Variants in RFX1 observed in about 807,000 individuals in gnomAD.
RFX1 encodes MHC class II regulatory factor RFX1.
In RFX1, 42 loss-of-function variants were observed where a neutral mutation model predicts 119.6. The observed-to-expected ratio is 0.35, with a 90% CI of 0.27 to 0.45. The LOEUF is 0.45. RFX1 is among the 20% of genes least tolerant of loss of function. The probability of loss-of-function intolerance (pLI) is 1.00; values close to 1 mark genes in which losing one functional copy is unlikely to be tolerated. For synonymous variants in RFX1, 628 were observed against 618.5 expected, an observed-to-expected ratio of 1.02 and a Z score of -0.23; for missense variants, 1,118 against 1,368.1, an observed-to-expected ratio of 0.82 and a Z score of 2.88.
At chr19:13,999,337 G>GTTTAAATCTATTAC (rs1975135624) in intron 1 of RFX1, among the ~76,000 whole-genome samples, 1 of 152,144 alleles carries the variant, frequency 6.6e-6, no homozygotes, top group African/African-American at 2.4e-5. Flanking sequence ...TATGGAGACT[G>GTTTAAATCTATTAC]TTTAAATCTA....
rs72997465 is a variant in RFX1 at position 13,987,439 on chromosome 19, T to C, written c.320-3844A>G. On this transcript the variant is annotated intron_variant, in intron 2 of 20. Coordinates refer to ENST00000254325, the MANE Select transcript of RFX1 (RefSeq NM_002918.5). ...CCAAGTCTGGGTCCAGGCCCCTCCC[T>C]TCCTCTTCCCTGCCACCTCCCTGGG... 1.8e-3 allele frequency among the ~76,000 whole-genome samples: 278 copies of C among 152,244 alleles called. 1 individual carries two copies. Among genetic ancestry groups the C allele is most frequent in the Non-Finnish European group, 3.2e-3 (217 of 67,996 alleles).
chr19:13,965,419 T>C lies in RFX1; in HGVS notation c.2211+30A>G, dbSNP rs750427978. 1.3e-5 allele frequency: 20 copies of C among 1,591,618 alleles called. 1 individual carries two copies. Among genetic ancestry groups the C allele is most frequent in the South Asian group, 7.7e-5 (7 of 90,432 alleles). On this transcript the variant is annotated intron_variant, in intron 16 of 20. Coordinates refer to ENST00000254325, the MANE Select transcript of RFX1 (RefSeq NM_002918.5). The surrounding 1 kb of genome is among the most constrained non-coding windows in gnomAD (Gnocchi z 4.7). ...GAGACGGAGGCCTAAGCCCCAGAGA[T>C]AGGAGAAAGGGACCCCCTCACACTC...
At chr19:13,998,239 C>T (rs1379017994) in intron 1 of RFX1, 6 of 152,232 alleles carry the variant, frequency 3.9e-5, no homozygotes, top group Admixed American at 2.0e-4. Flanking sequence ...AATTCCAGCA[C>T]TTTGTGAGGC....
rs149634688 is a variant in RFX1, at chr19:13,983,228, C to T, written c.472G>A (p.Val158Met). The change falls in exon 4 of 21, where the codon GTG (valine) becomes ATG (methionine). Residue 158 changes from valine to methionine, a missense_variant. By Grantham distance (21) the Val-to-Met change is conservative. This residue lies in a region of RFX1 where 542 missense variants were observed against 602.7 expected (regional missense o/e 0.90). Coordinates refer to ENST00000254325, the MANE Select transcript of RFX1 (RefSeq NM_002918.5). Reference protein sequence around the residue: ...QTSVQAKPGHVSPLQLTNIQV... With the variant: ...QTSVQAKPGHMSPLQLTNIQV... ...ATGTTGGTCAGCTGGAGGGGCGACACGTGGCCTGGCTTGGCCTGCACGCTC... is the reference window on the plus strand; with the variant it reads ...ATGTTGGTCAGCTGGAGGGGCGACATGTGGCCTGGCTTGGCCTGCACGCTC... 107 of 1,579,382 alleles carry T rather than the reference C, an allele frequency of 6.8e-5. No homozygotes were observed. The highest frequency in any genetic ancestry group is 8.2e-5 in the Non-Finnish European group (96 of 1,166,842).
intron 1 of RFX1, 41 bp from the exon 2 acceptor site, chr19:13,993,936 C>G (rs1432800973): frequency 1.8e-6 from 2 of 1,093,538 alleles, no homozygotes; most frequent in Non-Finnish European, 2.6e-6. Flanking sequence ...AAAAACAAAA[C>G]AAAACAAAAG....
rs577368761 is a variant in RFX1 at position 13,965,636 on chromosome 19, C to T, written c.2103G>A (p.Arg701=). 3 of 1,613,422 alleles carry T rather than the reference C, an allele frequency of 1.9e-6. No individual in the cohort carries two copies. The South Asian group carries it at 3.3e-5, about 18-fold the overall frequency. ...LVEILIPDVL[R]PIPSALTQAI... is the part of the protein sequence containing the mutation. ...AGGCCGAGCACTCACTGGGGATGGG[C>T]CGCAGCACGTCGGGAATGAGGATTT... The change falls in exon 15 of 21, where the codon CGG becomes CGA. Residue 701 remains arginine (R), a synonymous_variant. Transcript: ENST00000254325. The surrounding 1 kb of genome is among the most constrained non-coding windows in gnomAD (Gnocchi z 4.7).
rs1028148842 is a variant in RFX1, at chr19:13,992,628, A to G, written c.319+897T>C. Among the ~76,000 whole-genome samples, 7 of 152,168 alleles carry G rather than the reference A, an allele frequency of 4.6e-5. No individual in the cohort carries two copies. The East Asian group carries it at 1.2e-3, about 25-fold the overall frequency. ...CTGACCTCCCTGAAGTGCCCACTCA[A>G]GGCCATCCTGGCTATGAGACCCTCG... On this transcript the variant is annotated intron_variant, in intron 2 of 20. Transcript: ENST00000254325.
chr19:14,004,376 C>T (rs1366921278), intron 1 of RFX1, among the ~76,000 whole-genome samples: 1 of 152,130 alleles, frequency 6.6e-6, no homozygotes, highest in South Asian at 2.1e-4. Flanking sequence ...GGCATGATGG[C>T]GAGCGCCTGT....
In RFX1 at chr19:13,963,263, G is replaced by T. The variant is rs1210973299; in HGVS notation, c.2583C>A (p.Ile861=). 2.5e-6 allele frequency: 4 copies of T among 1,609,934 alleles called. No homozygotes were observed. The African/African-American group carries it at 5.3e-5, about 22-fold the overall frequency. Residue 861 remains isoleucine (I), a synonymous_variant, in exon 19 of 21, where the codon ATC becomes ATA. Transcript: ENST00000254325. The stretch of plus-strand genomic sequence containing the variant: ...CGGCGCTGCGCAGGGTCAGGTCCCG[G>T]ATCACCATGGAGCTGGGGATGGAGA... ...LKWSFYSSMV[I]RDLTLRSAAS...
intron 1 of RFX1, among the ~76,000 whole-genome samples, chr19:13,994,604 A>G (rs1009171722): frequency 1.3e-5 from 2 of 151,316 alleles, no homozygotes; most frequent in Non-Finnish European, 2.9e-5. Context: ...AGTCCCAGCT[A>G]CTCAGGAGGC....
chr19:13,994,939 A>AG (rs1974958919), intron 1 of RFX1, among the ~76,000 whole-genome samples: 2 of 64,914 alleles, frequency 3.1e-5, no homozygotes, highest in South Asian at 5.0e-4. Flanking sequence ...TATATATATA[A>AG]TCATTTTTTT....
intron 12 of RFX1, among the ~76,000 whole-genome samples, chr19:13,967,776 C>A (rs1257895668): frequency 6.6e-6 from 1 of 152,156 alleles, no homozygotes; most frequent in Non-Finnish European, 1.5e-5. Context: ...CTGCACCAGG[C>A]CTTACTTTTA....
At position 13,969,286 on chromosome 19, in the gene RFX1, C is replaced by G. The variant is rs933905379; in HGVS notation, c.1497-392G>C. The stretch of plus-strand genomic sequence containing the variant: ...CTCACAGACCCTGATGAAGCACTGA[C>G]TAGGTACAACCCCGCGTCATCGAGG... On this transcript the variant is annotated intron_variant, in intron 10 of 20. Transcript: ENST00000254325. The surrounding 1 kb of genome is among the most constrained non-coding windows in gnomAD (Gnocchi z 4.5). 6.6e-6 allele frequency among the ~76,000 whole-genome samples: 1 copy of G among 152,134 alleles called. No individual in the cohort carries two copies. Among genetic ancestry groups the G allele is most frequent in the African/African-American group, 2.4e-5 (1 of 41,410 alleles).
At chr19:13,995,301 C>T (rs758261024) in intron 1 of RFX1, among the ~76,000 whole-genome samples, 27 of 152,094 alleles carry the variant, frequency 1.8e-4, no homozygotes, top group Non-Finnish European at 3.4e-4. Context: ...CAGTTCCCTA[C>T]GTGCCTGCCA....
rs1429174852 is a variant in RFX1, at chr19:13,962,582, T to A, written c.*113A>T. On this transcript the variant is annotated 3_prime_UTR_variant, in exon 21 of 21. Coordinates refer to ENST00000254325, the MANE Select transcript of RFX1 (RefSeq NM_002918.5). ...GGCCCCGGTCTTCCCTGTCTCGGAGTCCCCCTCCCTGCCCTGGCTGAGGCT... is the reference window on the plus strand; with the variant it reads ...GGCCCCGGTCTTCCCTGTCTCGGAGACCCCCTCCCTGCCCTGGCTGAGGCT... The A allele has an allele frequency of 9.4e-6, 8 of 848,582 alleles. No individual in the cohort carries two copies. The highest frequency in any genetic ancestry group is 1.4e-5 in the Non-Finnish European group (8 of 590,992). The allele number at this position is 848,582 out of a possible 1,614,324, so 52.6% of individuals were successfully genotyped here. A position where few individuals can be genotyped will look rare whatever the true frequency, so the allele number is the denominator to read the frequency against.
intron 3 of RFX1, 23 bp downstream of exon 3, chr19:13,983,463 C>T (rs1187160634): frequency 6.4e-7 from 1 of 1,557,804 alleles, no homozygotes; most frequent in Admixed American, 1.8e-5. Flanking sequence ...CCTCCCCCAC[C>T]CCCTGGGAGG....
chr19:13,977,743 C>A (rs1461519422), intron 8 of RFX1, among the ~76,000 whole-genome samples: 2 of 150,958 alleles, frequency 1.3e-5, no homozygotes, highest in Non-Finnish European at 2.9e-5. Context: ...GGTTAAAAAC[C>A]AGGCTCATTT....
intron 3 of RFX1, 89 bp from the exon 4 acceptor site, chr19:13,983,359 T>A: frequency 7.7e-7 from 1 of 1,292,886 alleles, no homozygotes; most frequent in Non-Finnish European, 1.1e-6. Context: ...TGTGCACATC[T>A]TGATAAGAAC....
At position 13,962,058 on chromosome 19, in the gene RFX1, C is replaced by A. The variant is rs1382479159; in HGVS notation, c.*637G>T. The A allele has an allele frequency of 6.6e-6, 1 of 152,306 alleles. No homozygotes were observed. Among genetic ancestry groups the A allele is most frequent in the African/African-American group, 2.4e-5 (1 of 41,470 alleles). 9.4% of individuals were successfully genotyped at this position (152,306 alleles called of 1,614,324 possible). On this transcript the variant is annotated 3_prime_UTR_variant, in exon 21 of 21. Coordinates refer to ENST00000254325, the MANE Select transcript of RFX1 (RefSeq NM_002918.5). ...GCTCTTTGGAAGCTGGAGGCCGTGC[C>A]CCCTGCCGCCCTCCTCACAGCCGGG...
Sources: allele counts gnomAD v4.1 joint callset (sites outside exome capture counted in the v4.1 genomes callset), GRCh38; gene constraint gnomAD v4.1.1; regional missense constraint gnomAD v4.1.1; non-coding constraint Gnocchi (gnomAD v3.1); transcripts MANE v1.5; gene names NCBI Gene and HGNC (gene_info 2026-07-23, HGNC 2026-07-21).